ACBD6: variants seen among roughly 807,000 people sequenced by gnomAD.
ACBD6 encodes the protein acyl-CoA-binding domain-containing protein 6.
ACBD6 carries 28 observed loss-of-function variants against 37.2 expected under a neutral mutation model. The ratio of observed to expected loss-of-function variants is 0.75; its 90% CI spans 0.56 to 1.03. The LOEUF (loss-of-function observed/expected upper bound fraction) is 1.03, where lower values mean the gene tolerates loss of function less well. Among genes scored for constraint, ACBD6 ranks in the 50% least tolerant of loss-of-function variants. The probability of loss-of-function intolerance (pLI) is 0.00; values close to 1 mark genes in which losing one functional copy is unlikely to be tolerated. For synonymous variants in ACBD6, 113 were observed against 126.8 expected, an observed-to-expected ratio of 0.89 and a Z score of 0.73; for missense variants, 340 against 337.4, an observed-to-expected ratio of 1.01 and a Z score of -0.06.
intron 7 of ACBD6, among the ~76,000 whole-genome samples, chr1:180,292,414 T>C (rs1183202502): frequency 1.3e-5 from 2 of 152,192 alleles, no homozygotes; most frequent in East Asian, 3.8e-4. Context: ...GAATTTCATG[T>C]TTTTGAGGCT....
At chr1:180,416,947 T>A (rs1648121136) in intron 4 of ACBD6, among the ~76,000 whole-genome samples, 1 of 152,180 alleles carries the variant, frequency 6.6e-6, no homozygotes, top group Admixed American at 6.5e-5. Context: ...CAACAAATAT[T>A]CAATTCAATT....
At chr1:180,387,128 C>T (rs1653874286) in intron 6 of ACBD6, among the ~76,000 whole-genome samples, 1 of 152,154 alleles carries the variant, frequency 6.6e-6, no homozygotes, top group African/African-American at 2.4e-5. Flanking sequence ...CTATTTGGGT[C>T]TGCCTTGCTT....
intron 1 of ACBD6, 73 bp downstream of exon 1, chr1:180,501,972 T>C: frequency 3.5e-6 from 5 of 1,427,636 alleles, no homozygotes; most frequent in South Asian, 2.4e-5. Flanking sequence ...TAACCATACA[T>C]GCTTGCTATC....
At chr1:180,392,564 C>G (rs1299472811) in intron 6 of ACBD6, among the ~76,000 whole-genome samples, 1 of 152,074 alleles carries the variant, frequency 6.6e-6, no homozygotes, top group African/African-American at 2.4e-5. Flanking sequence ...GCTCCTGCTT[C>G]TTCACCAGTA....
At chr1:180,430,127 G>T in intron 4 of ACBD6, 53 bp downstream of exon 4, 1 of 1,451,998 alleles carries the variant, frequency 6.9e-7, no homozygotes, top group Non-Finnish European at 9.7e-7. Context: ...ACAAACACAT[G>T]CACACACACA....
chr1:180,290,244 A>C (rs1323962755), intron 7 of ACBD6, among the ~76,000 whole-genome samples: 2 of 152,124 alleles, frequency 1.3e-5, no homozygotes, highest in Admixed American at 1.3e-4. Context: ...CCTGGAGTGC[A>C]GTGGCGAGAT....
intron 3 of ACBD6, among the ~76,000 whole-genome samples, chr1:180,487,413 C>A (rs1651314484): frequency 6.6e-6 from 1 of 152,144 alleles, no homozygotes; most frequent in Admixed American, 6.5e-5. Flanking sequence ...CTCACGCCCT[C>A]CACTCCAACC....
chr1:180,346,740 T>C (rs959202987), intron 6 of ACBD6, among the ~76,000 whole-genome samples: 3 of 152,124 alleles, frequency 2.0e-5, no homozygotes, highest in Non-Finnish European at 2.9e-5. Flanking sequence ...TATGCAGCAA[T>C]AGAAAACTGA....
chr1:180,501,714 G>A (rs750153064), intron 1 of ACBD6, among the ~76,000 whole-genome samples: 1 of 152,254 alleles, frequency 6.6e-6, no homozygotes, highest in Non-Finnish European at 1.5e-5. Context: ...CTGGGAAAGA[G>A]TAAATGAATG....
intron 6 of ACBD6, among the ~76,000 whole-genome samples, chr1:180,336,820 G>A (rs1417914214): frequency 2.0e-5 from 3 of 151,806 alleles, no homozygotes; most frequent in Non-Finnish European, 4.4e-5. Context: ...ATGATAAAGG[G>A]GACATCACCA....
At chr1:180,331,830 C>T (rs971307777) in intron 6 of ACBD6, among the ~76,000 whole-genome samples, 5 of 152,250 alleles carry the variant, frequency 3.3e-5, no homozygotes, top group Non-Finnish European at 1.5e-5. Flanking sequence ...CTCTATTACC[C>T]AGCTGCTCAA....
In ACBD6 at chr1:180,479,333, T is replaced by C. The variant is rs566970351; in HGVS notation, c.384+12936A>G. Among the ~76,000 whole-genome samples the C allele has an allele frequency of 2.2e-3, 328 of 152,336 alleles. 1 individual carries two copies. Among genetic ancestry groups the C allele is most frequent in the African/African-American group, 7.8e-3 (323 of 41,576 alleles). ...GCAGCTATAAAAAAGAATGAAATGT[T>C]ATTTGCAGCAACATGGATGGAACTT... On this transcript the variant is annotated intron_variant, in intron 3 of 7. Transcript: ENST00000367595.
At chr1:180,293,411 A>C (rs1280923639) in intron 7 of ACBD6, among the ~76,000 whole-genome samples, 3 of 151,216 alleles carry the variant, frequency 2.0e-5, no homozygotes, top group East Asian at 3.9e-4. Flanking sequence ...GGGTTCAAGC[A>C]ATTCTCCTAC....
intron 6 of ACBD6, among the ~76,000 whole-genome samples, chr1:180,376,611 T>A (rs1052895942): frequency 1.3e-5 from 2 of 151,824 alleles, no homozygotes; most frequent in African/African-American, 2.4e-5. Flanking sequence ...GTAAAAAAAA[T>A]GGGATATGAA....
chr1:180,490,542 G>A (rs1489170998), intron 3 of ACBD6, among the ~76,000 whole-genome samples: 14 of 151,508 alleles, frequency 9.2e-5, no homozygotes, highest in African/African-American at 3.2e-4. Context: ...TTGGGAGGCC[G>A]AGGCGGGCAG....
chr1:180,486,630 T>TCA (rs1651274595), intron 3 of ACBD6, among the ~76,000 whole-genome samples: 1 of 152,102 alleles, frequency 6.6e-6, no homozygotes, highest in Admixed American at 6.6e-5. Context: ...AAAAAATAAT[T>TCA]CACAAATATT....
At chr1:180,498,941 G>C (rs1390393891) in intron 1 of ACBD6, among the ~76,000 whole-genome samples, 7 of 152,090 alleles carry the variant, frequency 4.6e-5, no homozygotes, top group African/African-American at 1.7e-4. Flanking sequence ...AGTTTTCACA[G>C]CTGTCAATTA....
At chr1:180,307,671 T>C (rs778651765) in intron 7 of ACBD6, among the ~76,000 whole-genome samples, 2 of 152,100 alleles carry the variant, frequency 1.3e-5, no homozygotes, top group Admixed American at 6.6e-5. Context: ...ATAAAAAAAT[T>C]AGGCTGGGTA....
chr1:180,438,345 A>G (rs1388711489), intron 3 of ACBD6: 1 of 152,834 alleles, frequency 6.5e-6, no homozygotes, highest in Non-Finnish European at 1.5e-5. Context: ...ACTCTATTTA[A>G]GGTACAGGGT....
Sources: allele counts gnomAD v4.1 joint callset (sites outside exome capture counted in the v4.1 genomes callset), GRCh38; gene constraint gnomAD v4.1.1; transcripts MANE v1.5; gene names NCBI Gene and HGNC (gene_info 2026-07-23, HGNC 2026-07-21).